TBXAS1: variants seen among roughly 807,000 people sequenced by gnomAD.
The protein encoded by TBXAS1 is thromboxane-A synthase.
TBXAS1 carries 48 observed loss-of-function variants against 60.7 expected under a neutral mutation model. The observed-to-expected ratio is 0.79, with a 90% CI of 0.63 to 1.01. The LOEUF (loss-of-function observed/expected upper bound fraction) is 1.01. Among genes scored for constraint, TBXAS1 ranks in the 50% least tolerant of loss-of-function variants. The probability of loss-of-function intolerance (pLI) is 0.00; values close to 1 mark genes in which losing one functional copy is unlikely to be tolerated. For synonymous variants in TBXAS1, 287 were observed against 269.7 expected (o/e 1.06, Z -0.63); for missense variants, 685 against 686.3 (o/e 1.00, Z 0.02).
chr7:139,825,302 C>G (rs551731164), upstream of TBXAS1, among the ~76,000 whole-genome samples: 1 of 152,146 alleles, frequency 6.6e-6, no homozygotes, highest in Non-Finnish European at 1.5e-5. Context: ...ATGCTACTGT[C>G]CCAGTAAAAA....
chr7:139,986,954 C>A (rs1468749039), intron 9 of TBXAS1, among the ~76,000 whole-genome samples: 6 of 151,908 alleles, frequency 3.9e-5, no homozygotes, highest in Admixed American at 3.9e-4. Context: ...ATGTGGAAAG[C>A]AGAGTCAGGC....
chr7:139,886,741 A>G (rs1261940396), intron 3 of TBXAS1, among the ~76,000 whole-genome samples: 1 of 152,144 alleles, frequency 6.6e-6, no homozygotes, highest in Non-Finnish European at 1.5e-5. Flanking sequence ...TTGCCTTTGA[A>G]GATTGCTTGT....
chr7:140,016,077 C>T (rs1815020472), intron 11 of TBXAS1, among the ~76,000 whole-genome samples: 1 of 152,078 alleles, frequency 6.6e-6, no homozygotes, highest in Non-Finnish European at 1.5e-5. Flanking sequence ...GCCTGTAATC[C>T]CAGCACTTTG....
At chr7:139,830,944 C>T (rs1798663731) in intron 1 of TBXAS1, among the ~76,000 whole-genome samples, 1 of 151,974 alleles carries the variant, frequency 6.6e-6, no homozygotes, top group Admixed American at 6.6e-5. Flanking sequence ...CATGTAGGAA[C>T]ACCACACCAT....
intron 3 of TBXAS1, among the ~76,000 whole-genome samples, chr7:139,907,960 T>C (rs1805235420): frequency 6.6e-6 from 1 of 152,072 alleles, no homozygotes; most frequent in Non-Finnish European, 1.5e-5. Context: ...TTGTTTGTAG[T>C]AGACCCTTAT....
intron 3 of TBXAS1, among the ~76,000 whole-genome samples, chr7:139,890,099 A>G (rs1384738664): frequency 6.6e-6 from 1 of 151,898 alleles, no homozygotes; most frequent in African/African-American, 2.4e-5. Context: ...TAATTGTTAC[A>G]TGGGGAATAG....
At chr7:139,832,151 C>T (rs908068699) in intron 1 of TBXAS1, among the ~76,000 whole-genome samples, 1 of 152,118 alleles carries the variant, frequency 6.6e-6, no homozygotes, top group African/African-American at 2.4e-5. Flanking sequence ...CAGAAGACAC[C>T]CCAAATACTG....
intron 4 of TBXAS1, among the ~76,000 whole-genome samples, chr7:139,912,357 C>A (rs906509363): frequency 5.3e-5 from 8 of 152,204 alleles, no homozygotes; most frequent in Admixed American, 2.0e-4. Flanking sequence ...AGACCAGTAA[C>A]CTTTACGTTG....
At chr7:139,977,716 T>C (rs765953750) in intron 9 of TBXAS1, among the ~76,000 whole-genome samples, 12 of 152,146 alleles carry the variant, frequency 7.9e-5, no homozygotes, top group Non-Finnish European at 1.3e-4. Flanking sequence ...GAAAATCTCA[T>C]TTGATGATTC....
chr7:139,818,862 C>G (rs886693675), intron 4 of TBXAS1, among the ~76,000 whole-genome samples: 1 of 149,608 alleles, frequency 6.7e-6, no homozygotes, highest in South Asian at 2.1e-4. Context: ...TAGAGCAGAC[C>G]CCTGGTAGCA....
chr7:139,856,694 C>G (rs1167229089), intron 1 of TBXAS1, among the ~76,000 whole-genome samples: 1 of 152,120 alleles, frequency 6.6e-6, no homozygotes, highest in African/African-American at 2.4e-5. Context: ...AAAATGGCAG[C>G]CTTAGCATAA....
chr7:139,893,832 G>A (rs1803857469), intron 3 of TBXAS1, among the ~76,000 whole-genome samples: 1 of 152,202 alleles, frequency 6.6e-6, no homozygotes, highest in Non-Finnish European at 1.5e-5. Context: ...TTTATTAACT[G>A]AATAAATTAG....
chr7:139,983,576 A>G (rs117363367), intron 9 of TBXAS1, among the ~76,000 whole-genome samples: 1,813 of 152,278 alleles, frequency 0.012, 17 homozygotes, highest in Middle Eastern at 0.034. Flanking sequence ...ACTGGCGGGA[A>G]GAAAGACACC....
At chr7:139,816,972 C>T (rs1055941232) in intron 4 of TBXAS1, among the ~76,000 whole-genome samples, 3 of 152,138 alleles carry the variant, frequency 2.0e-5, no homozygotes, top group African/African-American at 7.2e-5. Flanking sequence ...AGTCAAGTGT[C>T]CTGGGGAAGG....
rs1393262717 is a variant in TBXAS1, at chr7:139,852,945, C to A, written c.90-19290C>A. Among the ~76,000 whole-genome samples the A allele has an allele frequency of 5.1e-5, 2 of 39,080 alleles. No homozygotes were observed. Among genetic ancestry groups the A allele is most frequent in the Non-Finnish European group, 8.3e-5 (2 of 24,146 alleles). 25.6% of individuals were successfully genotyped at this position (39,080 alleles called of 152,430 possible). A position where few individuals can be genotyped will look rare whatever the true frequency, so the allele number is the denominator to read the frequency against. ...CCTTGGCTACTCCAATACACACACACACACACACACACACACACACACACA... is the reference window on the plus strand; with the variant it reads ...CCTTGGCTACTCCAATACACACACAAACACACACACACACACACACACACA... On this transcript the variant is annotated intron_variant, in intron 1 of 12. Coordinates refer to ENST00000448866, the MANE Select transcript of TBXAS1 (RefSeq NM_001061.7). This position sits in a 1 kb window ranked among gnomAD's most constrained non-coding sequence, Gnocchi z 4.4.
intron 4 of TBXAS1, among the ~76,000 whole-genome samples, chr7:139,819,964 C>A (rs552747927): frequency 3.0e-4 from 46 of 152,088 alleles, no homozygotes; most frequent in Non-Finnish European, 6.5e-4. Context: ...ACAGTGCCCC[C>A]TTTGCTCTGT....
At chr7:139,864,339 A>G (rs1801194802) in intron 1 of TBXAS1, among the ~76,000 whole-genome samples, 1 of 152,104 alleles carries the variant, frequency 6.6e-6, no homozygotes, top group African/African-American at 2.4e-5. Flanking sequence ...AAAATCATAA[A>G]ATGTTACTGA....
At chr7:139,935,928 G>T (rs1361635170) in intron 4 of TBXAS1, among the ~76,000 whole-genome samples, 1 of 152,188 alleles carries the variant, frequency 6.6e-6, no homozygotes, top group South Asian at 2.1e-4. Context: ...CCATTGAGTT[G>T]TCTCTATGAT....
At chr7:139,878,363 C>T (rs781436571) in intron 3 of TBXAS1, among the ~76,000 whole-genome samples, 2 of 152,114 alleles carry the variant, frequency 1.3e-5, no homozygotes, top group Non-Finnish European at 2.9e-5. Flanking sequence ...TTCAAGAAAA[C>T]CTAAATCATA....
Sources: gnomAD v4.1 joint callset for allele counts (sites outside exome capture counted in the v4.1 genomes callset) on GRCh38, gnomAD v4.1.1 for gene constraint, Gnocchi (gnomAD v3.1) non-coding constraint, MANE v1.5 for transcripts, NCBI Gene and HGNC (gene_info 2026-07-23, HGNC 2026-07-21) for gene names.